SORCS1: variants seen among roughly 807,000 people sequenced by gnomAD.
The protein encoded by SORCS1 is sortilin related VPS10 domain containing receptor 1.
A neutral mutation model predicts 146.1 loss-of-function variants in SORCS1; 60 were observed. That is an observed-to-expected ratio of 0.41 (90% CI 0.33 to 0.51). SORCS1 has a LOEUF of 0.51. SORCS1 is among the 20% of genes least tolerant of loss of function. The pLI, the probability that SORCS1 is intolerant of heterozygous loss-of-function variation, is 0.21. For synonymous variants in SORCS1, 637 were observed against 584.0 expected (o/e 1.09, Z -1.31); for missense variants, 1,352 against 1,487.6 (o/e 0.91, Z 1.50).
intron 6 of SORCS1, among the ~76,000 whole-genome samples, chr10:106,725,748 C>T (rs1049213659): frequency 8.6e-5 from 13 of 151,122 alleles, no homozygotes; most frequent in East Asian, 7.8e-4. Flanking sequence ...CTAGCCAACA[C>T]GGCAAAACCC....
chr10:106,637,230 T>G (rs974494147), intron 18 of SORCS1, among the ~76,000 whole-genome samples: 1 of 152,204 alleles, frequency 6.6e-6, no homozygotes, highest in African/African-American at 2.4e-5. Flanking sequence ...ATGCCCTATC[T>G]TCTGTTCCCA....
chr10:107,171,934 A>T, the SORCS1 span, among the ~76,000 whole-genome samples: 1 of 152,190 alleles, frequency 6.6e-6, no homozygotes, highest in African/African-American at 2.4e-5. Context: ...TGTTATTAGG[A>T]TCCACTCAAC....
At chr10:106,895,949 G>GTA (rs112254770) in intron 2 of SORCS1, among the ~76,000 whole-genome samples, 57,230 of 150,778 alleles carry the variant, frequency 0.38, 10,733 homozygotes, top group Non-Finnish European at 0.41. Flanking sequence ...ATGTGTGTGT[G>GTA]TGTATATATA....
rs6144077 is a variant in SORCS1 at position 106,606,274 on chromosome 10, TACACACACACACACAC to T, written c.3165+876_3165+891del. Among the ~76,000 whole-genome samples, 752 of 139,076 alleles carry T rather than the reference TACACACACACACACAC, an allele frequency of 5.4e-3. 2 individuals carry two copies. The highest frequency in any genetic ancestry group is 0.02 in the African/African-American group (661 of 33,208). 91.2% of individuals were successfully genotyped at this position (139,076 alleles called of 152,430 possible). On this transcript the variant is annotated intron_variant, in intron 23 of 25. Coordinates refer to ENST00000263054, the MANE Select transcript of SORCS1 (RefSeq NM_052918.5). ...AATCACACAAATACACACACAGATATACACACACACACACACACACACACACACACACACACACACA... is the reference window on the plus strand; with the variant it reads ...AATCACACAAATACACACACAGATATACACACACACACACACACACACACA...
chr10:107,071,504 GGAGCCCTTGCAATGT>G, intron 1 of SORCS1, among the ~76,000 whole-genome samples: 1 of 152,158 alleles, frequency 6.6e-6, no homozygotes, highest in East Asian at 1.9e-4. Context: ...TTTCACCCCT[GGAGCCCTTGCAATGT>G]GAATAAGGAT....
chr10:106,814,741 C>T (rs1400855881), intron 3 of SORCS1, among the ~76,000 whole-genome samples: 2 of 151,682 alleles, frequency 1.3e-5, no homozygotes, highest in Non-Finnish European at 2.9e-5. Context: ...GGTGAAACCG[C>T]GTCTCTACTA....
chr10:107,131,019 T>C (rs1331604526), intron 1 of SORCS1, among the ~76,000 whole-genome samples: 1 of 152,182 alleles, frequency 6.6e-6, no homozygotes, highest in Non-Finnish European at 1.5e-5. Flanking sequence ...GCCTATTCTG[T>C]ATAACTCATA....
chr10:106,671,241 C>G lies in SORCS1; in HGVS notation c.2185G>C (p.Asp729His), dbSNP rs1421449311. The G allele has an allele frequency of 5.0e-6, 8 of 1,613,956 alleles. No individual in the cohort carries two copies. Among genetic ancestry groups the G allele is most frequent in the Non-Finnish European group, 6.8e-6 (8 of 1,179,962 alleles). The stretch of plus-strand genomic sequence containing the variant: ...GAGATAATTGCACAAGCTCACCAAT[C>G]AAAATCAGCCTCAGTGCAGACACAG... ...EPCVCTEADF[D>H]CDYGYERHSN... The change falls in exon 16 of 26, where the codon GAT becomes CAT. Residue 729 changes from aspartate to histidine, a missense_variant. Transcript: ENST00000263054.
At chr10:107,166,832 G>A (rs1210702066), upstream of SORCS1, among the ~76,000 whole-genome samples, 1 of 152,214 alleles carries the variant, frequency 6.6e-6, no homozygotes, top group Non-Finnish European at 1.5e-5. Flanking sequence ...GCTGGAAGAA[G>A]CAAAATGGAA....
intron 1 of SORCS1, among the ~76,000 whole-genome samples, chr10:106,994,532 C>A (rs528470965): frequency 5.3e-5 from 8 of 152,122 alleles, no homozygotes; most frequent in Non-Finnish European, 8.8e-5. Flanking sequence ...ACTCTGAAAC[C>A]ATTTTGTTCT....
intron 1 of SORCS1, among the ~76,000 whole-genome samples, chr10:107,041,406 A>G (rs1959146666): frequency 2.3e-5 from 1 of 43,644 alleles, no homozygotes; most frequent in Non-Finnish European, 5.8e-5. Flanking sequence ...AAGGGGATTA[A>G]AAAAAAAAAA....
intron 2 of SORCS1, among the ~76,000 whole-genome samples, chr10:106,932,961 A>T (rs1280615303): frequency 6.6e-6 from 1 of 152,230 alleles, no homozygotes; most frequent in Non-Finnish European, 1.5e-5. Flanking sequence ...TGTCAACATT[A>T]ATTTTCCCCA....
At chr10:106,956,413 TCACCAGGAACC>T in intron 2 of SORCS1, 89 bp downstream of exon 2, 1 of 1,038,898 alleles carries the variant, frequency 9.6e-7, no homozygotes, top group Non-Finnish European at 1.5e-6. Flanking sequence ...GCAGTGCATA[TCACCAGGAACC>T]TTCCTGCCAG....
chr10:106,917,196 C>T lies in SORCS1; in HGVS notation c.626+39317G>A, dbSNP rs531661567. Among the ~76,000 whole-genome samples the T allele has an allele frequency of 5.9e-5, 9 of 152,266 alleles. 1 individual carries two copies. In the East Asian group the frequency reaches 9.7e-4, roughly 16 times the overall value. ...TCAGGGCAGCTCTAATTTTCCATTC[C>T]AAATATGATTACCCCAATATACAGC... On this transcript the variant is annotated intron_variant, in intron 2 of 25. Coordinates refer to ENST00000263054, the MANE Select transcript of SORCS1 (RefSeq NM_052918.5).
chr10:107,009,076 C>T (rs1957578798), intron 1 of SORCS1, among the ~76,000 whole-genome samples: 1 of 152,114 alleles, frequency 6.6e-6, no homozygotes, highest in Non-Finnish European at 1.5e-5. Context: ...TACAGAGATA[C>T]CAGGAAGATT....
At chr10:106,706,150 A>C (rs1854501983) in intron 8 of SORCS1, among the ~76,000 whole-genome samples, 1 of 152,058 alleles carries the variant, frequency 6.6e-6, no homozygotes, top group Admixed American at 6.6e-5. Flanking sequence ...AATTATTAAA[A>C]TTCATATGAA....
At chr10:106,808,515 T>G (rs980675845) in intron 3 of SORCS1, among the ~76,000 whole-genome samples, 14 of 152,050 alleles carry the variant, frequency 9.2e-5, no homozygotes, top group African/African-American at 3.4e-4. Context: ...ATTTATTTAT[T>G]TATGTGAGGC....
rs576265163 is a variant in SORCS1, at chr10:106,804,849, A to G, written c.726+24725T>C. 1.4e-4 allele frequency among the ~76,000 whole-genome samples: 21 copies of G among 152,308 alleles called. No individual in the cohort carries two copies. The South Asian group carries it at 3.9e-3, about 29-fold the overall frequency. On this transcript the variant is annotated intron_variant, in intron 3 of 25. Transcript: ENST00000263054. Reference sequence around the variant, plus strand: ...AAAAAGAATATCATTGTTTCTAAAGATAGATAACCCATTACATAGGATATA... The same window carrying G: ...AAAAAGAATATCATTGTTTCTAAAGGTAGATAACCCATTACATAGGATATA...
At chr10:106,814,972 G>GTTTT (rs1947664715) in intron 3 of SORCS1, among the ~76,000 whole-genome samples, 1 of 141,286 alleles carries the variant, frequency 7.1e-6, no homozygotes, top group African/African-American at 2.6e-5. Flanking sequence ...TTATTTTTTA[G>GTTTT]TTTTTGAGAC....
Sources: gnomAD v4.1 joint callset for allele counts (sites outside exome capture counted in the v4.1 genomes callset) on GRCh38, gnomAD v4.1.1 for gene constraint, MANE v1.5 for transcripts, NCBI Gene and HGNC (gene_info 2026-07-23, HGNC 2026-07-21) for gene names.